Variants in SLC19A3 observed in about 807,000 individuals in gnomAD.
SLC19A3 encodes solute carrier family 19 member 3, also known as thiamine transporter 2.
Under a neutral mutation model 40.2 loss-of-function variants are expected in SLC19A3, and 31 were observed. The ratio of observed to expected loss-of-function variants is 0.77; its 90% confidence interval spans 0.58 to 1.04. SLC19A3 has a LOEUF of 1.04. Among genes scored for constraint, SLC19A3 ranks in the 50% least tolerant of loss-of-function variants. The pLI is 0.00. For missense variants in SLC19A3, 592 were observed against 596.7 expected (o/e 0.99, Z 0.08); for synonymous variants, 212 against 227.5 (o/e 0.93, Z 0.61).
intron 5 of SLC19A3, 31 bp from the exon 6 acceptor site, chr2:227,687,604 A>G (rs769082151): frequency 6.2e-7 from 1 of 1,605,526 alleles, no homozygotes; most frequent in South Asian, 1.1e-5. Flanking sequence ...AGCCACATAT[A>G]AAATATGACC....
At chr2:227,712,991 T>C (rs1484040999) in intron 1 of SLC19A3, among the ~76,000 whole-genome samples, 6 of 152,210 alleles carry the variant, frequency 3.9e-5, no homozygotes, top group Non-Finnish European at 8.8e-5. Context: ...ATTGTGGTGA[T>C]GATTACAAAC....
At chr2:227,688,397 G>A (rs1695101305) in intron 4 of SLC19A3, 90 bp from the exon 5 acceptor site, 3 of 1,211,852 alleles carry the variant, frequency 2.5e-6, no homozygotes, top group South Asian at 2.5e-5. Context: ...AGGGGTATTT[G>A]TGTCACCCAC....
intron 1 of SLC19A3, among the ~76,000 whole-genome samples, chr2:227,705,206 GC>G (rs1225070668): frequency 6.6e-6 from 1 of 152,098 alleles, no homozygotes. Flanking sequence ...GAAAGGCTAA[GC>G]TTTTTTTCTG....
rs200054205 is a variant in SLC19A3 at position 227,687,517 on chromosome 2, G to T, written c.1371C>A (p.Ser457Arg). 3.7e-6 allele frequency: 6 copies of T among 1,614,024 alleles called. No individual in the cohort carries two copies. The East Asian group carries it at 1.3e-4, about 36-fold the overall frequency. ...ATTTGGTTGAGTAGGTAATATACAT[G>T]CTTCTCATTAGGAAAATTCCAGCAA... is the stretch of plus-strand genomic sequence containing the variant. ...AVIAGIFLMR[S>R]MYITYSTKSQ... The change falls in exon 6 of 6, where the codon AGC becomes AGA. Residue 457 changes from serine (S) to arginine (R), a missense_variant. Coordinates refer to ENST00000644224, the MANE Select transcript of SLC19A3 (RefSeq NM_025243.4).
At chr2:227,706,574 T>G in intron 1 of SLC19A3, 2 of 697,568 alleles carry the variant, frequency 2.9e-6, no homozygotes, top group Non-Finnish European at 3.8e-6. Flanking sequence ...AGTTCAAGAC[T>G]AGCCTGGCCA....
chr2:227,693,296 A>G (rs996387408), intron 4 of SLC19A3, among the ~76,000 whole-genome samples: 8 of 152,110 alleles, frequency 5.3e-5, no homozygotes, highest in Non-Finnish European at 7.4e-5. Context: ...ACAACAAAAA[A>G]CTGGAGGAAT....
intron 1 of SLC19A3, among the ~76,000 whole-genome samples, chr2:227,712,802 G>A (rs1039551352): frequency 1.4e-5 from 1 of 73,056 alleles, no homozygotes; most frequent in Non-Finnish European, 3.3e-5. Context: ...CTGTGCCAAG[G>A]AATCCAGACA....
intron 1 of SLC19A3, 114 bp from the exon 2 acceptor site, chr2:227,702,434 TC>T: frequency 9.2e-7 from 1 of 1,091,042 alleles, no homozygotes; most frequent in Non-Finnish European, 1.3e-6. Context: ...CGCTCTGTTG[TC>T]CAGGCTGAAG....
Position 227,702,178 on chromosome 2 carries a change from G to A in SLC19A3, c.141C>T (p.Thr47=), listed in dbSNP as rs145710386. The A allele has an allele frequency of 3.0e-5, 49 of 1,613,226 alleles. 1 individual carries two copies. The Middle Eastern group carries it at 3.6e-3, about 119-fold the overall frequency. The change falls in exon 2 of 6, where the codon ACC becomes ACT. Residue 47 remains threonine (T), a synonymous_variant. Coordinates refer to ENST00000644224, the MANE Select transcript of SLC19A3 (RefSeq NM_025243.4). ...PYLSGPDKNL[T]SAEITNEIFP... ...ATGTATGTTAACTTACCTCTGCACT[G>A]GTCAGGTTTTTATCTGGTCCAGATA... is the stretch of plus-strand genomic sequence containing the variant.
At chr2:227,707,177 G>A (rs938472848) in intron 1 of SLC19A3, among the ~76,000 whole-genome samples, 4 of 152,210 alleles carry the variant, frequency 2.6e-5, no homozygotes, top group East Asian at 1.9e-4. Context: ...ACACAGAGGC[G>A]CTGATCCAGC....
Position 227,714,662 on chromosome 2 carries a change from G to A in SLC19A3, c.-3+3281C>T. 5.5e-6 allele frequency: 5 copies of A among 913,656 alleles called. No homozygotes were observed. The South Asian group carries it at 2.5e-4, about 46-fold the overall frequency. 56.6% of individuals were successfully genotyped at this position (913,656 alleles called of 1,614,324 possible). A position where few individuals can be genotyped will look rare whatever the true frequency, so the allele number is the denominator to read the frequency against. ...ACTTCTGGTGGCTTTATGTACTGGG[G>A]CCCACCCTCTTCTGCAGCCGATGAC... On this transcript the variant is annotated intron_variant, in intron 1 of 5. Transcript: ENST00000644224.
At chr2:227,699,662 C>T (rs576866250) in intron 2 of SLC19A3, 98 bp from the exon 3 acceptor site, 28 of 995,372 alleles carry the variant, frequency 2.8e-5, no homozygotes, top group African/African-American at 1.3e-4. Flanking sequence ...GGAAATTATT[C>T]GCATTACGGA....
In SLC19A3 at chr2:227,701,041, G is replaced by A. The variant is rs767714860; in HGVS notation, c.150+1128C>T. Reference sequence around the variant, plus strand: ...ACAGTGGCTCGAGAAGCAGAACCCAGTGGATTCATTGAGTTGCTTCTGACC... The same window carrying A: ...ACAGTGGCTCGAGAAGCAGAACCCAATGGATTCATTGAGTTGCTTCTGACC... On this transcript the variant is annotated intron_variant, in intron 2 of 5. Coordinates refer to ENST00000644224, the MANE Select transcript of SLC19A3 (RefSeq NM_025243.4). The A allele has an allele frequency of 6.1e-6, 8 of 1,304,156 alleles. No individual in the cohort carries two copies. The Admixed American group carries it at 1.4e-4, about 22-fold the overall frequency. The allele number at this position is 1,304,156 out of a possible 1,614,324, so 80.8% of individuals were successfully genotyped here. A position where few individuals can be genotyped will look rare whatever the true frequency, so the allele number is the denominator to read the frequency against.
At chr2:227,688,678 C>G (rs1177334663) in intron 4 of SLC19A3, among the ~76,000 whole-genome samples, 1 of 152,126 alleles carries the variant, frequency 6.6e-6, no homozygotes, top group African/African-American at 2.4e-5. Context: ...AAAGCCCAGA[C>G]AGCAAAGACT....
intron 3 of SLC19A3, 56 bp downstream of exon 3, chr2:227,698,680 G>A (rs1242734727): frequency 6.8e-7 from 1 of 1,463,188 alleles, no homozygotes; most frequent in African/African-American, 1.4e-5. Context: ...GGTACCTGGA[G>A]GAATGGACTT....
intron 3 of SLC19A3, among the ~76,000 whole-genome samples, chr2:227,698,445 G>A (rs1695526500): frequency 6.6e-6 from 1 of 151,122 alleles, no homozygotes; most frequent in Non-Finnish European, 1.5e-5. Context: ...ACAGGTGCCC[G>A]CCACCACGCC....
At position 227,684,985 on chromosome 2, in the gene SLC19A3, A is replaced by AAAC. The variant is rs1252522963; in HGVS notation, c.*2411_*2412insGTT. The AAAC allele has an allele frequency of 4.8e-5, 6 of 125,328 alleles. No homozygotes were observed. The highest frequency in any genetic ancestry group is 3.7e-3 in the Middle Eastern group (1 of 268). The allele number at this position is 125,328 out of a possible 1,614,324, so 7.8% of individuals were successfully genotyped here. On this transcript the variant is annotated 3_prime_UTR_variant, in exon 6 of 6. Transcript: ENST00000644224. The stretch of plus-strand genomic sequence containing the variant: ...GTGACAGAGCAAGATTCTATCAAAA[A>AAAC]AAAAAAAAAAAAAAAAAAAAGAAGA...
intron 1 of SLC19A3, among the ~76,000 whole-genome samples, chr2:227,709,002 A>C (rs1696049667): frequency 6.6e-6 from 1 of 152,202 alleles, no homozygotes; most frequent in Non-Finnish European, 1.5e-5. Flanking sequence ...GCATTGGGGA[A>C]TCATATTGGA....
At chr2:227,711,419 C>CAAAG (rs1696132635) in intron 1 of SLC19A3, among the ~76,000 whole-genome samples, 1 of 97,414 alleles carries the variant, frequency 1.0e-5, no homozygotes, top group East Asian at 2.1e-4. Flanking sequence ...GACTCTGTCT[C>CAAAG]AAAAAAATAA....
Sources: allele counts gnomAD v4.1 joint callset (sites outside exome capture counted in the v4.1 genomes callset), GRCh38; gene constraint gnomAD v4.1.1; transcripts MANE v1.5; gene names NCBI Gene and HGNC (gene_info 2026-07-23, HGNC 2026-07-21).